The following COL19A1 variants were observed in gnomAD, a reference collection of about 807,000 sequenced individuals.
The protein encoded by COL19A1 is collagen type XIX alpha 1 chain, also known as collagen alpha-1(XIX) chain.
In COL19A1, 159 loss-of-function variants were observed where a neutral mutation model predicts 190.2. The ratio of observed to expected loss-of-function variants is 0.84; its 90% confidence interval spans 0.73 to 0.95. The LOEUF (loss-of-function observed/expected upper bound fraction) is 0.95, where lower values mean the gene tolerates loss of function less well. COL19A1 is among the 40% of genes least tolerant of loss of function. The probability of loss-of-function intolerance (pLI) is 0.00; values close to 1 mark genes in which losing one functional copy is unlikely to be tolerated. For synonymous variants in COL19A1, 509 were observed against 458.9 expected, an observed-to-expected ratio of 1.11 and a Z score of -1.39; for missense variants, 1,418 against 1,431.9, an observed-to-expected ratio of 0.99 and a Z score of 0.16.
intron 17 of COL19A1, 75 bp from the exon 18 acceptor site, chr6:70,130,107 T>A: frequency 2.6e-6 from 4 of 1,520,218 alleles, no homozygotes; most frequent in Non-Finnish European, 3.6e-6. Context: ...TCTGACTGCT[T>A]ATACTGTTAC....
chr6:70,204,912 G>A (rs1412851184), intron 49 of COL19A1, among the ~76,000 whole-genome samples: 1 of 152,076 alleles, frequency 6.6e-6, no homozygotes, highest in Non-Finnish European at 1.5e-5. Context: ...AATGGATTTG[G>A]GAGGGTGGTT....
In COL19A1 at chr6:69,927,978, C is replaced by G; in HGVS notation, c.336C>G (p.Ala112=). Reference sequence around the variant, plus strand: ...CCATGTTTCGAGTACGAAGAAACGCCAAAAAGGAACGGTGGTTTCTGTGGC... The same window carrying G: ...CCATGTTTCGAGTACGAAGAAACGCGAAAAAGGAACGGTGGTTTCTGTGGC... The part of the protein sequence containing the change: ...VAAMFRVRRN[A]KKERWFLWQV... Residue 112 remains alanine (A), a synonymous_variant, in exon 5 of 51, where the codon GCC becomes GCG. Transcript: ENST00000620364. The G allele has an allele frequency of 6.2e-7, 1 of 1,613,182 alleles. No individual in the cohort carries two copies.
chr6:70,120,979 G>T (rs141051684), intron 16 of COL19A1, among the ~76,000 whole-genome samples: 41 of 152,216 alleles, frequency 2.7e-4, no homozygotes, highest in African/African-American at 9.4e-4. Flanking sequence ...GTATAATGGT[G>T]CTGTTTGATT....
chr6:70,053,964 C>A (rs779396468), intron 14 of COL19A1, among the ~76,000 whole-genome samples: 5 of 152,062 alleles, frequency 3.3e-5, no homozygotes, highest in African/African-American at 1.2e-4. Flanking sequence ...TTCAAATGTT[C>A]TGCAGAATTA....
intron 11 of COL19A1, among the ~76,000 whole-genome samples, chr6:69,976,289 CCTT>C (rs1283168869): frequency 2.6e-5 from 4 of 152,106 alleles, no homozygotes; most frequent in Admixed American, 6.6e-5. Context: ...AATTAAAAGG[CCTT>C]CAATTTATTT....
intron 15 of COL19A1, among the ~76,000 whole-genome samples, chr6:70,077,234 C>A (rs1332051378): frequency 1.3e-5 from 2 of 152,014 alleles, no homozygotes; most frequent in African/African-American, 4.8e-5. Context: ...TTTTCTTATA[C>A]ATTATATTTT....
At chr6:70,120,504 G>A (rs569249106) in intron 16 of COL19A1, among the ~76,000 whole-genome samples, 2 of 152,196 alleles carry the variant, frequency 1.3e-5, no homozygotes, top group Admixed American at 1.3e-4. Context: ...CTCAATGATT[G>A]CTTTCTTTCT....
intron 16 of COL19A1, among the ~76,000 whole-genome samples, chr6:70,118,150 C>G (rs1784685578): frequency 6.6e-6 from 1 of 152,190 alleles, no homozygotes. Context: ...ATAGACAACT[C>G]TTGCTAAACT....
At chr6:69,962,229 A>T (rs150369615) in intron 10 of COL19A1, among the ~76,000 whole-genome samples, 4 of 152,312 alleles carry the variant, frequency 2.6e-5, no homozygotes, top group East Asian at 3.9e-4. Context: ...TACACCTTTT[A>T]GTATAATCAT....
intron 4 of COL19A1, among the ~76,000 whole-genome samples, chr6:69,906,222 T>C (rs1460257292): frequency 6.6e-6 from 1 of 152,200 alleles, no homozygotes; most frequent in Non-Finnish European, 1.5e-5. Context: ...TTTAGATGAA[T>C]GTTGAATTTC....
chr6:70,188,299 C>T, intron 47 of COL19A1, 54 bp downstream of exon 47: 4 of 1,514,066 alleles, frequency 2.6e-6, no homozygotes. Flanking sequence ...CCATGTATCC[C>T]TTTTACAATG....
chr6:70,090,227 G>T (rs1428049585), intron 15 of COL19A1, among the ~76,000 whole-genome samples: 2 of 152,060 alleles, frequency 1.3e-5, no homozygotes, highest in African/African-American at 4.8e-5. Flanking sequence ...ATGTTATACG[G>T]TCAGCTGTTT....
chr6:69,906,332 G>A (rs1360261474), intron 4 of COL19A1, among the ~76,000 whole-genome samples: 1 of 152,128 alleles, frequency 6.6e-6, no homozygotes, highest in African/African-American at 2.4e-5. Flanking sequence ...CTGATTCATT[G>A]TTTAATTCAA....
chr6:70,118,076 G>A (rs887873159), intron 16 of COL19A1, among the ~76,000 whole-genome samples: 11 of 152,146 alleles, frequency 7.2e-5, no homozygotes, highest in Non-Finnish European at 1.5e-4. Flanking sequence ...ATGTGATGCC[G>A]AGAGATCTGT....
chr6:70,020,503 G>A (rs1469229667), intron 11 of COL19A1, among the ~76,000 whole-genome samples: 1 of 151,804 alleles, frequency 6.6e-6, no homozygotes, highest in Non-Finnish European at 1.5e-5. Context: ...TTAAATGCAG[G>A]ATTGCACATT....
chr6:70,050,935 G>A lies in COL19A1; in HGVS notation c.1170+14996G>A, dbSNP rs961845093. Among the ~76,000 whole-genome samples, 5 of 152,032 alleles carry A rather than the reference G, an allele frequency of 3.3e-5. No homozygotes were observed. In the East Asian group the frequency reaches 5.8e-4, roughly 18 times the overall value. On this transcript the variant is annotated intron_variant, in intron 14 of 50. Transcript: ENST00000620364. ...TATTTTGCAAAATAGAGAAACACTG[G>A]ATGTAAGGCCAGGAAACCAGATTCT...
chr6:70,127,651 A>C (rs374160018), intron 17 of COL19A1, among the ~76,000 whole-genome samples: 1 of 152,238 alleles, frequency 6.6e-6, no homozygotes, highest in East Asian at 1.9e-4. Context: ...GGGAGGCCTC[A>C]TAATCATGGT....
At position 70,093,042 on chromosome 6, in the gene COL19A1, T is replaced by C. The variant is rs530788055; in HGVS notation, c.1225-9127T>C. Among the ~76,000 whole-genome samples, 237 of 152,278 alleles carry C rather than the reference T, an allele frequency of 1.6e-3. 2 individuals carry two copies. The highest frequency in any genetic ancestry group is 3.5e-3 in the Admixed American group (54 of 15,276). The stretch of plus-strand genomic sequence containing the variant: ...CATTATTTGTCCCTCTGCATGTCAA[T>C]TTTGTTGACTCTAAACCTACAAACA... On this transcript the variant is annotated intron_variant, in intron 15 of 50. Coordinates refer to ENST00000620364, the MANE Select transcript of COL19A1 (RefSeq NM_001858.6).
At chr6:69,885,785 A>G (rs1462678677) in intron 2 of COL19A1, among the ~76,000 whole-genome samples, 6 of 152,078 alleles carry the variant, frequency 3.9e-5, no homozygotes, top group Admixed American at 2.0e-4. Flanking sequence ...AGGTCTATCT[A>G]TGCTGTGGAA....
Sources: allele counts gnomAD v4.1 joint callset (sites outside exome capture counted in the v4.1 genomes callset), GRCh38; gene constraint gnomAD v4.1.1; transcripts MANE v1.5; gene names NCBI Gene and HGNC (gene_info 2026-07-23, HGNC 2026-07-21).